Variants in SLC35G2 observed in about 807,000 individuals in gnomAD.
The protein encoded by SLC35G2 is transmembrane protein 22.
A neutral mutation model predicts 27.2 loss-of-function variants in SLC35G2; 20 were observed. That is an observed-to-expected ratio of 0.74 (90% confidence interval 0.52 to 1.07). SLC35G2 has a LOEUF of 1.07. Among genes scored for constraint, SLC35G2 ranks in the 50% least tolerant of loss-of-function variants. The pLI is 0.00. For missense variants in SLC35G2, 416 were observed against 493.3 expected (o/e 0.84, Z 1.48); for synonymous variants, 148 against 165.3 (o/e 0.90, Z 0.80).
At chr3:136,821,938 A>T (rs757365492) in intron 1 of SLC35G2, among the ~76,000 whole-genome samples, 1 of 151,798 alleles carries the variant, frequency 6.6e-6, no homozygotes, top group Non-Finnish European at 1.5e-5. Flanking sequence ...GACTTTGACT[A>T]CTTCATTTTT....
At chr3:136,832,143 A>G (rs1266829521) in intron 1 of SLC35G2, among the ~76,000 whole-genome samples, 2 of 151,994 alleles carry the variant, frequency 1.3e-5, no homozygotes, top group Non-Finnish European at 2.9e-5. Flanking sequence ...CCTCCCGAGT[A>G]GCTGGGACTA....
chr3:136,844,381 C>T (rs779463205), intron 1 of SLC35G2, among the ~76,000 whole-genome samples: 6 of 150,362 alleles, frequency 4.0e-5, no homozygotes, highest in Admixed American at 6.6e-5. Flanking sequence ...TCCAGCTACT[C>T]GGGAGGCTGA....
At chr3:136,837,617 G>C (rs1423717415) in intron 1 of SLC35G2, 2 of 151,954 alleles carry the variant, frequency 1.3e-5, no homozygotes, top group African/African-American at 4.8e-5. Context: ...CTTTTAGATG[G>C]CTGCATATTA....
In SLC35G2 at chr3:136,854,663, T is replaced by G; in HGVS notation, c.203T>G (p.Phe68Cys). 1 of 1,613,934 alleles carries G rather than the reference T, an allele frequency of 6.2e-7. No homozygotes were observed. Among genetic ancestry groups the G allele is most frequent in the Non-Finnish European group, 8.5e-7 (1 of 1,179,990 alleles). Reference sequence around the variant, plus strand: ...GAAATGAAAAAAAAAGGGAGAGCTTTCTTTGGAACCATGGATACCCTACCT... The same window carrying G: ...GAAATGAAAAAAAAAGGGAGAGCTTGCTTTGGAACCATGGATACCCTACCT... ...LSEMKKKGRA[F>C]FGTMDTLPPP... Residue 68 changes from phenylalanine to cysteine, a missense_variant, in exon 2 of 2, where the codon TTC becomes TGC. Phe to Cys is a radical substitution (Grantham distance 205, BLOSUM62 -2). Coordinates refer to ENST00000446465, the MANE Select transcript of SLC35G2 (RefSeq NM_025246.3).
chr3:136,824,693 C>A (rs957788436), intron 1 of SLC35G2, among the ~76,000 whole-genome samples: 3 of 152,164 alleles, frequency 2.0e-5, no homozygotes, highest in Non-Finnish European at 4.4e-5. Context: ...ATATCATTTG[C>A]AAACAAGGAT....
At chr3:136,833,649 G>T (rs573847673) in intron 1 of SLC35G2, among the ~76,000 whole-genome samples, 2 of 152,268 alleles carry the variant, frequency 1.3e-5, no homozygotes, top group Admixed American at 6.5e-5. Flanking sequence ...TCACAATAGG[G>T]TTTGTGCTCC....
chr3:136,848,835 GCTCA>G (rs1484957137), intron 1 of SLC35G2, among the ~76,000 whole-genome samples: 1 of 152,136 alleles, frequency 6.6e-6, no homozygotes, highest in Non-Finnish European at 1.5e-5. Context: ...TGGGTGCAAT[GCTCA>G]CTATTTGGGT....
intron 1 of SLC35G2, chr3:136,819,861 T>C (rs942638530): frequency 6.6e-6 from 1 of 152,174 alleles, no homozygotes; most frequent in Non-Finnish European, 1.5e-5. Context: ...AAGGGCCTCG[T>C]CACGGCCGAG....
intron 1 of SLC35G2, chr3:136,842,141 T>C (rs890642094): frequency 3.9e-5 from 6 of 152,232 alleles, no homozygotes; most frequent in African/African-American, 1.4e-4. Context: ...AAGTATATCT[T>C]ATTCTAGCCA....
intron 1 of SLC35G2, among the ~76,000 whole-genome samples, chr3:136,833,268 T>C (rs547194958): frequency 1.3e-5 from 2 of 152,182 alleles, no homozygotes; most frequent in African/African-American, 4.8e-5. Flanking sequence ...GGGAATCAAT[T>C]TGTGACCTCA....
At position 136,841,732 on chromosome 3, in the gene SLC35G2, A is replaced by T. The variant is rs954079546; in HGVS notation, c.-18-12711A>T. On this transcript the variant is annotated intron_variant, in intron 1 of 1. Coordinates refer to ENST00000446465, the MANE Select transcript of SLC35G2 (RefSeq NM_025246.3). ...GGCAACAAGAGTGAAACTCCGCCTCAAAATAAATAAATAAATAAATAAATA... is the reference window on the plus strand; with the variant it reads ...GGCAACAAGAGTGAAACTCCGCCTCTAAATAAATAAATAAATAAATAAATA... 2.1e-5 allele frequency: 3 copies of T among 144,140 alleles called. No individual in the cohort carries two copies. In the Admixed American group the frequency reaches 2.1e-4, roughly 10 times the overall value. 8.9% of individuals were successfully genotyped at this position (144,140 alleles called of 1,614,324 possible).
rs774608199 is a variant in SLC35G2 at position 136,855,479 on chromosome 3, A to G, written c.1019A>G (p.Asp340Gly). The change falls in exon 2 of 2, where the codon GAC becomes GGC. Residue 340 changes from aspartate (D) to glycine (G), a missense_variant. Physicochemically the swap from Asp to Gly is moderately conservative, Grantham distance 94. Coordinates refer to ENST00000446465, the MANE Select transcript of SLC35G2 (RefSeq NM_025246.3). Reference sequence around the variant, plus strand: ...TTCTTAGGAGTTTATTATGCCTTGGACAAATTCCATCCAGCTTTGGTTAGC... The same window carrying G: ...TTCTTAGGAGTTTATTATGCCTTGGGCAAATTCCATCCAGCTTTGGTTAGC... ...AAFLGVYYAL[D>G]KFHPALVSTV... 1.1e-5 allele frequency: 18 copies of G among 1,614,058 alleles called. No homozygotes were observed. The Admixed American group carries it at 3.0e-4, about 27-fold the overall frequency.
intron 1 of SLC35G2, among the ~76,000 whole-genome samples, chr3:136,837,180 C>T (rs1043016987): frequency 1.3e-5 from 2 of 152,074 alleles, no homozygotes; most frequent in Non-Finnish European, 2.9e-5. Flanking sequence ...CTTTCAAACA[C>T]TATGATAAAG....
chr3:136,833,308 T>G (rs970519208), intron 1 of SLC35G2, among the ~76,000 whole-genome samples: 1 of 152,098 alleles, frequency 6.6e-6, no homozygotes, highest in Non-Finnish European at 1.5e-5. Flanking sequence ...CTCTGGAAAT[T>G]ACATGGAGAA....
At chr3:136,820,688 C>T (rs757545755) in intron 1 of SLC35G2, among the ~76,000 whole-genome samples, 65 of 152,320 alleles carry the variant, frequency 4.3e-4, no homozygotes, top group South Asian at 1.9e-3. Context: ...ACACTACAAG[C>T]CACACATTTT....
At chr3:136,848,907 C>T (rs1024142380) in intron 1 of SLC35G2, among the ~76,000 whole-genome samples, 1 of 151,992 alleles carries the variant, frequency 6.6e-6, no homozygotes, top group Non-Finnish European at 1.5e-5. Flanking sequence ...TGTAACGAAC[C>T]GGGCACGGTG....
intron 1 of SLC35G2, among the ~76,000 whole-genome samples, chr3:136,848,796 T>G (rs1005086924): frequency 6.6e-6 from 1 of 151,990 alleles, no homozygotes; most frequent in Admixed American, 6.6e-5. Context: ...TTAGAGTAGG[T>G]GGGAAGAGAG....
At position 136,854,424 on chromosome 3, in the gene SLC35G2, A is replaced by C; in HGVS notation, c.-18-19A>C. 6.7e-7 allele frequency: 1 copy of C among 1,485,302 alleles called. No individual in the cohort carries two copies. Among genetic ancestry groups the C allele is most frequent in the Non-Finnish European group, 9.1e-7 (1 of 1,096,332 alleles). The allele number at this position is 1,485,302 out of a possible 1,614,324, so 92.0% of individuals were successfully genotyped here. A position where few individuals can be genotyped will look rare whatever the true frequency, so the allele number is the denominator to read the frequency against. On this transcript the variant is annotated intron_variant, in intron 1 of 1. Transcript: ENST00000446465. ...TCAATGAAATGAATGTCTTTTTGTC[A>C]ATTTTTTTCTTTAAATAGAATTGAT...
chr3:136,824,405 G>GT (rs1936535300), intron 1 of SLC35G2, among the ~76,000 whole-genome samples: 1 of 152,066 alleles, frequency 6.6e-6, no homozygotes, highest in Admixed American at 6.6e-5. Flanking sequence ...TTTCACAAAT[G>GT]TTTTATAGTT....
Sources: gnomAD v4.1 joint callset for allele counts (sites outside exome capture counted in the v4.1 genomes callset) on GRCh38, gnomAD v4.1.1 for gene constraint, MANE v1.5 for transcripts, NCBI Gene and HGNC (gene_info 2026-07-23, HGNC 2026-07-21) for gene names.